The following PDE10A variants were observed in gnomAD, a reference collection of about 807,000 sequenced individuals.
PDE10A encodes phosphodiesterase 10A.
A neutral mutation model predicts 97.7 loss-of-function variants in PDE10A; 39 were observed. The ratio of observed to expected loss-of-function variants is 0.40; its 90% CI spans 0.31 to 0.52. The LOEUF (loss-of-function observed/expected upper bound fraction) is 0.52, where lower values mean the gene tolerates loss of function less well. PDE10A is among the 20% of genes least tolerant of loss of function. The probability of loss-of-function intolerance (pLI) is 0.56; values close to 1 mark genes in which losing one functional copy is unlikely to be tolerated. For synonymous variants in PDE10A, 371 were observed against 376.8 expected, an observed-to-expected ratio of 0.98 and a Z score of 0.18; for missense variants, 731 against 1,047.8, an observed-to-expected ratio of 0.70 and a Z score of 4.17.
intron 1 of PDE10A, among the ~76,000 whole-genome samples, chr6:165,812,102 T>G (rs1562748956): frequency 6.6e-6 from 1 of 152,194 alleles, no homozygotes; most frequent in East Asian, 1.9e-4. Context: ...TCTGCCCACC[T>G]CGGCCTCCCA....
At chr6:165,737,995 CT>C (rs1288893160) in intron 1 of PDE10A, among the ~76,000 whole-genome samples, 1 of 103,278 alleles carries the variant, frequency 9.7e-6, no homozygotes, top group East Asian at 2.8e-4. Context: ...AGTCCCACTT[CT>C]TTTTTTTATT....
chr6:165,734,170 A>G (rs1162367966), intron 1 of PDE10A, among the ~76,000 whole-genome samples: 2 of 152,200 alleles, frequency 1.3e-5, no homozygotes, highest in Non-Finnish European at 2.9e-5. Flanking sequence ...AAAAGTGTTG[A>G]TAAAAACACA....
rs182914694 is a variant in PDE10A, at chr6:165,456,019, C to A, written c.1024-5657G>T. Among the ~76,000 whole-genome samples the A allele has an allele frequency of 2.0e-5, 3 of 152,262 alleles. 1 individual carries two copies. Among genetic ancestry groups the A allele is most frequent in the Admixed American group, 2.0e-4 (3 of 15,294 alleles). ...ACAGCATTGTTTGAGGTCACCAAAA[C>A]TTAGGTTATTTTCTTTATCATCTGT... On this transcript the variant is annotated intron_variant, in intron 3 of 21. Coordinates refer to ENST00000539869, the MANE Select transcript of PDE10A (RefSeq NM_001385079.1).
chr6:165,622,835 A>C (rs1235355761), intron 1 of PDE10A, among the ~76,000 whole-genome samples: 1 of 152,146 alleles, frequency 6.6e-6, no homozygotes, highest in Non-Finnish European at 1.5e-5. Flanking sequence ...TGTAATCCCC[A>C]ATGCTGGAGG....
At chr6:165,656,391 A>G (rs980326337) in intron 1 of PDE10A, among the ~76,000 whole-genome samples, 1 of 150,682 alleles carries the variant, frequency 6.6e-6, no homozygotes, top group Non-Finnish European at 1.5e-5. Context: ...TCCTGCTTGT[A>G]TCTCTCCCGA....
chr6:165,463,403 T>G (rs1267984429), intron 3 of PDE10A, among the ~76,000 whole-genome samples: 1 of 152,222 alleles, frequency 6.6e-6, no homozygotes, highest in Non-Finnish European at 1.5e-5. Flanking sequence ...AGAACAAATA[T>G]TTAAAGCATC....
chr6:165,439,549 C>T (rs942869729), intron 5 of PDE10A, among the ~76,000 whole-genome samples: 12 of 152,260 alleles, frequency 7.9e-5, no homozygotes, highest in East Asian at 7.7e-4. Context: ...CAACTAGCAT[C>T]GATGAGATTG....
intron 17 of PDE10A, among the ~76,000 whole-genome samples, chr6:165,380,443 C>G (rs1356789284): frequency 6.6e-6 from 1 of 152,128 alleles, no homozygotes. Flanking sequence ...ATTATCAGAA[C>G]AGTTCCATAT....
At chr6:165,823,802 TAGG>T (rs1378042344) in intron 1 of PDE10A, among the ~76,000 whole-genome samples, 1 of 152,138 alleles carries the variant, frequency 6.6e-6, no homozygotes, top group South Asian at 2.1e-4. Flanking sequence ...CACTGGGTGA[TAGG>T]AGTTTTCCAG....
chr6:165,714,809 T>C (rs965601557), intron 1 of PDE10A, among the ~76,000 whole-genome samples: 2 of 152,172 alleles, frequency 1.3e-5, no homozygotes, highest in African/African-American at 4.8e-5. Flanking sequence ...GTGGACAAAG[T>C]GGTGGCGGAT....
chr6:165,423,621 A>T (rs1788886572), intron 10 of PDE10A, among the ~76,000 whole-genome samples: 1 of 152,112 alleles, frequency 6.6e-6, no homozygotes, highest in Non-Finnish European at 1.5e-5. Context: ...TAATCCCAAC[A>T]CTTTGGGAGG....
intron 1 of PDE10A, among the ~76,000 whole-genome samples, chr6:165,584,501 C>T (rs1399109933): frequency 6.6e-6 from 1 of 152,178 alleles, no homozygotes; most frequent in Non-Finnish European, 1.5e-5. Context: ...ATCCACCTGA[C>T]TCTCACCAGT....
intron 3 of PDE10A, among the ~76,000 whole-genome samples, chr6:165,457,439 T>G (rs1352762835): frequency 6.6e-6 from 1 of 152,218 alleles, no homozygotes; most frequent in Non-Finnish European, 1.5e-5. Context: ...ACTTGCGTTT[T>G]ATTTGAGCAA....
rs1441849260 is a variant in PDE10A at position 165,330,815 on chromosome 6, C to T, written c.*2210G>A. On this transcript the variant is annotated 3_prime_UTR_variant, in exon 22 of 22. Coordinates refer to ENST00000539869, the MANE Select transcript of PDE10A (RefSeq NM_001385079.1). ...AAACAATAATCTTAAATAATATATC[C>T]CTTCCTGAAATTCCATCTCCAAGCG... 6.6e-6 allele frequency: 1 copy of T among 151,932 alleles called. No homozygotes were observed. The highest frequency in any genetic ancestry group is 1.5e-5 in the Non-Finnish European group (1 of 67,964). The allele number at this position is 151,932 out of a possible 1,614,324, so 9.4% of individuals were successfully genotyped here.
intron 1 of PDE10A, among the ~76,000 whole-genome samples, chr6:165,937,412 G>A (rs184189): frequency 7.0e-4 from 106 of 152,062 alleles, no homozygotes; most frequent in Non-Finnish European, 1.1e-3. Context: ...TGAGATTTTC[G>A]CATTCTCTTA....
intron 2 of PDE10A, among the ~76,000 whole-genome samples, chr6:165,525,885 C>G (rs750122085): frequency 1.3e-5 from 2 of 152,148 alleles, no homozygotes; most frequent in Non-Finnish European, 2.9e-5. Context: ...AGGAAGTCTA[C>G]TGTATTCCTA....
At chr6:165,380,717 G>A (rs1784877943) in intron 17 of PDE10A, among the ~76,000 whole-genome samples, 1 of 152,188 alleles carries the variant, frequency 6.6e-6, no homozygotes, top group Admixed American at 6.5e-5. Context: ...AGTGACTGAT[G>A]GGGACAACGG....
intron 1 of PDE10A, chr6:165,948,684 A>T (rs1783857599): frequency 6.6e-6 from 1 of 152,440 alleles, no homozygotes; most frequent in Admixed American, 6.5e-5. Context: ...CAGAGCCAAG[A>T]TTGCTGTGGG....
At chr6:165,373,779 C>A (rs1238284267) in intron 18 of PDE10A, among the ~76,000 whole-genome samples, 1 of 151,982 alleles carries the variant, frequency 6.6e-6, no homozygotes, top group African/African-American at 2.4e-5. Context: ...GACACATGCA[C>A]ATGTATGTTT....
Sources: gnomAD v4.1 joint callset for allele counts (sites outside exome capture counted in the v4.1 genomes callset) on GRCh38, gnomAD v4.1.1 for gene constraint, MANE v1.5 for transcripts, NCBI Gene and HGNC (gene_info 2026-07-23, HGNC 2026-07-21) for gene names.